Variants in UNC80 observed in about 807,000 individuals in gnomAD.
UNC80 encodes unc-80 subunit of NALCN channel complex, also known as protein unc-80 homolog.
A neutral mutation model predicts 384.6 loss-of-function variants in UNC80; 164 were observed. The observed-to-expected ratio is 0.43, with a 90% CI of 0.38 to 0.49. The LOEUF (loss-of-function observed/expected upper bound fraction) is 0.49, where lower values mean the gene tolerates loss of function less well. Among genes scored for constraint, UNC80 ranks in the 20% least tolerant of loss-of-function variants. The pLI, the probability that UNC80 is intolerant of heterozygous loss-of-function variation, is 0.00. For missense variants in UNC80, 3,330 were observed against 4,143.0 expected, an observed-to-expected ratio of 0.80 and a Z score of 5.39; for synonymous variants, 1,486 against 1,527.8, an observed-to-expected ratio of 0.97 and a Z score of 0.64.
At position 209,839,581 on chromosome 2, in the gene UNC80, A is replaced by G; in HGVS notation, c.3250+151A>G. The G allele has an allele frequency of 1.2e-6, 1 of 851,048 alleles. No individual in the cohort carries two copies. Among genetic ancestry groups the G allele is most frequent in the Non-Finnish European group, 1.8e-6 (1 of 554,906 alleles). 52.7% of individuals were successfully genotyped at this position (851,048 alleles called of 1,614,324 possible). ...TTCATTCATTCATTTAATTTTTCCC[A>G]CAGTATTTTTCAATACCCTACTATG... On this transcript the variant is annotated intron_variant, in intron 19 of 64. Transcript: ENST00000673920. This position sits in a 1 kb window ranked among gnomAD's most constrained non-coding sequence, Gnocchi z 4.1.
chr2:209,860,745 C>G (rs1294498157), intron 22 of UNC80, among the ~76,000 whole-genome samples: 1 of 152,106 alleles, frequency 6.6e-6, no homozygotes, highest in Non-Finnish European at 1.5e-5. Context: ...TTGTAGTTCT[C>G]CTTGAAGAGG....
At chr2:209,913,117 G>A (rs1388794328) in intron 30 of UNC80, among the ~76,000 whole-genome samples, 2 of 152,144 alleles carry the variant, frequency 1.3e-5, no homozygotes, top group Non-Finnish European at 2.9e-5. Context: ...ATTATGGCAT[G>A]GATTAAAGAA....
At chr2:209,818,603 C>T (rs7607918) in intron 11 of UNC80, among the ~76,000 whole-genome samples, 2,994 of 152,200 alleles carry the variant, frequency 0.02, 107 homozygotes, top group African/African-American at 0.068. Flanking sequence ...AAAAATTATT[C>T]ATGTTTGTTG....
At chr2:209,923,524 T>C (rs2090199394) in intron 35 of UNC80, among the ~76,000 whole-genome samples, 1 of 152,174 alleles carries the variant, frequency 6.6e-6, no homozygotes, top group Non-Finnish European at 1.5e-5. Flanking sequence ...TGAACATAAA[T>C]GTAGTAGTAT....
At position 209,932,490 on chromosome 2, in the gene UNC80, T is replaced by C. The variant is rs138986494; in HGVS notation, c.5995-1332T>C. Among the ~76,000 whole-genome samples the C allele has an allele frequency of 2.8e-4, 42 of 152,338 alleles. No individual in the cohort carries two copies. The East Asian group carries it at 7.9e-3, about 29-fold the overall frequency. On this transcript the variant is annotated intron_variant, in intron 38 of 64. Coordinates refer to ENST00000673920, the MANE Select transcript of UNC80 (RefSeq NM_001371986.1). ...TGGAGATGAGAGCGCCTTCAGTGTT[T>C]CTTTCGCTTGCCTGTGTACCTGCCC...
At position 209,927,057 on chromosome 2, in the gene UNC80, C is replaced by G. The variant is rs2090489864; in HGVS notation, c.5806+71C>G. On this transcript the variant is annotated intron_variant, in intron 36 of 64. Coordinates refer to ENST00000673920, the MANE Select transcript of UNC80 (RefSeq NM_001371986.1). ...TTATCTGATAGAAGACAGTAGGTTG[C>G]TCTTAAACACATTATCTACTGGCCA... The G allele has an allele frequency of 2.7e-6, 4 of 1,492,558 alleles. No individual in the cohort carries two copies. In the African/African-American group the frequency reaches 4.2e-5, roughly 16 times the overall value. 92.5% of individuals were successfully genotyped at this position (1,492,558 alleles called of 1,614,324 possible).
chr2:209,803,216 A>G (rs752734001), intron 7 of UNC80, among the ~76,000 whole-genome samples: 4 of 152,204 alleles, frequency 2.6e-5, no homozygotes, highest in Non-Finnish European at 4.4e-5. Context: ...AGAGAAGATG[A>G]TAAAGGGTGT....
intron 60 of UNC80, among the ~76,000 whole-genome samples, chr2:209,984,073 A>G (rs889522891): frequency 6.6e-6 from 1 of 152,218 alleles, no homozygotes; most frequent in African/African-American, 2.4e-5. Flanking sequence ...GCTTAGCTCA[A>G]TGCTAGGCAC....
At chr2:209,970,773 C>A in intron 53 of UNC80, 59 bp from the exon 54 acceptor site, 1 of 1,524,800 alleles carries the variant, frequency 6.6e-7, no homozygotes, top group South Asian at 1.3e-5. Context: ...GACTCCTTTA[C>A]TACGGTTGCA....
rs78714720 is a variant in UNC80, at chr2:209,939,561, C to G, written c.6555C>G (p.His2185Gln). Residue 2185 changes from histidine to glutamine, a missense_variant, in exon 43 of 65, where the codon CAC becomes CAG. This residue lies in a region of UNC80 where 1,049 missense variants were observed against 1,488.6 expected (regional missense o/e 0.70). Transcript: ENST00000673920. ...TCCCCACAGCCCACAAACAGTCCCA[C>G]GTCTCCATGCTTCAGGAAGACCTCC... ...QKIPTAHKQS[H>Q]VSMLQEDLLR... 6 of 1,551,686 alleles carry G rather than the reference C, an allele frequency of 3.9e-6. No individual in the cohort carries two copies. The highest frequency in any genetic ancestry group is 5.2e-6 in the Non-Finnish European group (6 of 1,146,962).
chr2:209,798,919 T>G (rs1338335979), intron 7 of UNC80, among the ~76,000 whole-genome samples: 1 of 150,074 alleles, frequency 6.7e-6, no homozygotes, highest in African/African-American at 2.4e-5. Context: ...CTCCTGACCT[T>G]GTGATCCGCC....
intron 25 of UNC80, among the ~76,000 whole-genome samples, chr2:209,887,796 CTG>C (rs2085963266): frequency 6.6e-6 from 1 of 152,122 alleles, no homozygotes; most frequent in Admixed American, 6.5e-5. Flanking sequence ...GCAGCCAAAA[CTG>C]TGGACAAAGA....
chr2:209,990,827 G>A (rs889638632), intron 61 of UNC80, among the ~76,000 whole-genome samples: 3 of 152,136 alleles, frequency 2.0e-5, no homozygotes, highest in Non-Finnish European at 4.4e-5. Flanking sequence ...AGTTTAAAAA[G>A]CACCTGTTTT....
intron 59 of UNC80, 73 bp from the exon 60 acceptor site, chr2:209,982,106 A>G (rs2093171192): frequency 6.8e-7 from 1 of 1,468,422 alleles, no homozygotes; most frequent in Non-Finnish European, 9.2e-7. Context: ...ACAGAACCCA[A>G]GTACAGCTTT....
At chr2:209,775,856 CT>C (rs2076831808) in intron 2 of UNC80, 32 bp from the exon 3 acceptor site, 1 of 1,599,498 alleles carries the variant, frequency 6.3e-7, no homozygotes, top group African/African-American at 1.3e-5. Context: ...TGGATTTTGG[CT>C]TTTCTTATTG....
At position 209,842,380 on chromosome 2, in the gene UNC80, G is replaced by A. The variant is rs748074887; in HGVS notation, c.3388G>A (p.Glu1130Lys). The A allele has an allele frequency of 6.4e-7, 1 of 1,550,516 alleles. No individual in the cohort carries two copies. Reference sequence around the variant, plus strand: ...ATTCACTAGTGCTGTGAAGCTTTCTGAAGGTGGGCCAGGAAGTGGCATGGA... The same window carrying A: ...ATTCACTAGTGCTGTGAAGCTTTCTAAAGGTGGGCCAGGAAGTGGCATGGA... ...VKFTSAVKLS[E>K]GGPGSGMENG... Residue 1130 changes from glutamate (E) to lysine (K), a missense_variant, in exon 21 of 65, where the codon GAA becomes AAA. Physicochemically the swap from Glu to Lys is moderately conservative, Grantham distance 56. Transcript: ENST00000673920.
At position 209,839,340 on chromosome 2, in the gene UNC80, A is replaced by C. The variant is rs2081572837; in HGVS notation, c.3160A>C (p.Thr1054Pro). 2 of 1,551,874 alleles carry C rather than the reference A, an allele frequency of 1.3e-6. No individual in the cohort carries two copies. Among genetic ancestry groups the C allele is most frequent in the Non-Finnish European group, 1.7e-6 (2 of 1,147,034 alleles). Residue 1054 changes from threonine to proline, a missense_variant, in exon 19 of 65, where the codon ACG becomes CCG. Transcript: ENST00000673920. This position sits in a 1 kb window ranked among gnomAD's most constrained non-coding sequence, Gnocchi z 4.1. Reference protein sequence around the residue: ...SQSEQDTSECTTAHSGTTSDR... With the variant: ...SQSEQDTSECPTAHSGTTSDR... ...GTCTGAACAGGACACTTCAGAATGC[A>C]CGACTGCCCACTCAGGGACCACCTC... is the stretch of plus-strand genomic sequence containing the variant.
intron 22 of UNC80, among the ~76,000 whole-genome samples, chr2:209,866,533 C>CACACAGAG (rs1307214321): frequency 3.0e-4 from 31 of 104,128 alleles, no homozygotes; most frequent in East Asian, 2.9e-3. Context: ...CACACACACA[C>CACACAGAG]AGAGAGAGAG....
At position 209,970,949 on chromosome 2, in the gene UNC80, C is replaced by T; in HGVS notation, c.8248C>T (p.Gln2750Ter). ...STAVVRLVALQIQALKEDFPL... is the reference protein window; with the variant it reads ...STAVVRLVAL ...AGCTGTTGTCCGGCTTGTAGCATTG[C>T]AGATACAGGTGTGACTGCCTTACCT... The change falls in exon 54 of 65, where the codon CAG becomes TAG. Residue 2750 changes from glutamine (Q) to a stop codon, truncating the protein, a stop_gained. Transcript: ENST00000673920. LOFTEE classifies it high-confidence loss of function. 1 of 1,551,654 alleles carries T rather than the reference C, an allele frequency of 6.4e-7. No individual in the cohort carries two copies.
Sources: gnomAD v4.1 joint callset for allele counts (sites outside exome capture counted in the v4.1 genomes callset) on GRCh38, gnomAD v4.1.1 for gene constraint, gnomAD v4.1.1 regional missense constraint, Gnocchi (gnomAD v3.1) non-coding constraint, MANE v1.5 for transcripts, NCBI Gene and HGNC (gene_info 2026-07-23, HGNC 2026-07-21) for gene names.